CPE: variants seen among roughly 807,000 people sequenced by gnomAD.
CPE encodes the protein carboxypeptidase E, also known as carbocypeptidase E.
A neutral mutation model predicts 53.5 loss-of-function variants in CPE; 17 were observed. That is an observed-to-expected ratio of 0.32 (90% CI 0.22 to 0.48). The LOEUF (loss-of-function observed/expected upper bound fraction) is 0.48, where lower values mean the gene tolerates loss of function less well. Ranked by LOEUF, CPE falls within the 20% of genes least tolerant of loss-of-function variation. The pLI, the probability that CPE is intolerant of heterozygous loss-of-function variation, is 0.99. For synonymous variants in CPE, 226 were observed against 228.8 expected, an observed-to-expected ratio of 0.99 and a Z score of 0.11; for missense variants, 524 against 614.7, an observed-to-expected ratio of 0.85 and a Z score of 1.56.
intron 1 of CPE, among the ~76,000 whole-genome samples, chr4:165,432,419 C>T (rs762815158): frequency 8.5e-5 from 13 of 152,118 alleles, no homozygotes; most frequent in Non-Finnish European, 1.8e-4. Context: ...CCTCAGCCTC[C>T]CCATTAGCTG....
intron 3 of CPE, among the ~76,000 whole-genome samples, chr4:165,478,143 C>T (rs1000257704): frequency 6.6e-6 from 1 of 152,102 alleles, no homozygotes; most frequent in Admixed American, 6.5e-5. Flanking sequence ...ATTTAAGAAC[C>T]AAAGACATCT....
chr4:165,430,814 A>C (rs9999463), intron 1 of CPE, among the ~76,000 whole-genome samples: 1 of 151,956 alleles, frequency 6.6e-6, no homozygotes, highest in African/African-American at 2.4e-5. Context: ...TAAATGTTTG[A>C]ATTTAGACAC....
intron 1 of CPE, among the ~76,000 whole-genome samples, chr4:165,442,444 T>C (rs546892336): frequency 2.5e-4 from 38 of 152,268 alleles, no homozygotes; most frequent in African/African-American, 8.9e-4. Flanking sequence ...CTCAAACTTA[T>C]CTTCTTGAGA....
chr4:165,480,894 G>A (rs1248525319), intron 3 of CPE, among the ~76,000 whole-genome samples: 3 of 151,310 alleles, frequency 2.0e-5, no homozygotes, highest in African/African-American at 7.3e-5. Context: ...CTGAAAAAGA[G>A]ATATATACAA....
chr4:165,447,691 T>C (rs931933052), intron 1 of CPE, among the ~76,000 whole-genome samples: 2 of 152,190 alleles, frequency 1.3e-5, no homozygotes, highest in Non-Finnish European at 2.9e-5. Context: ...TTTGACTCTT[T>C]TGTAATCACA....
At chr4:165,380,268 A>G (rs113694734) in intron 1 of CPE, among the ~76,000 whole-genome samples, 5 of 152,328 alleles carry the variant, frequency 3.3e-5, no homozygotes, top group African/African-American at 1.2e-4. Context: ...GGCCTTTCCA[A>G]GGAAAAAGGA....
At chr4:165,446,481 A>G (rs749257963) in intron 1 of CPE, among the ~76,000 whole-genome samples, 26 of 152,168 alleles carry the variant, frequency 1.7e-4, no homozygotes, top group Non-Finnish European at 8.8e-5. Context: ...AAGAAATACA[A>G]ATTAGAGTTT....
intron 1 of CPE, among the ~76,000 whole-genome samples, chr4:165,433,249 T>C (rs1731441740): frequency 6.6e-6 from 1 of 152,148 alleles, no homozygotes. Context: ...GTGAGGAACT[T>C]AATTTTCATA....
At chr4:165,459,757 A>G (rs1731967120) in intron 1 of CPE, among the ~76,000 whole-genome samples, 1 of 151,300 alleles carries the variant, frequency 6.6e-6, no homozygotes, top group African/African-American at 2.4e-5. Context: ...CTGTACTAAA[A>G]ATACAAAAAT....
chr4:165,482,120 C>A (rs889205979), intron 3 of CPE, 122 bp from the exon 4 acceptor site: 8 of 487,998 alleles, frequency 1.6e-5, no homozygotes, highest in Non-Finnish European at 2.8e-5. Context: ...AGGACAACAG[C>A]AAAATAGTTG....
chr4:165,468,490 A>T (rs561227463), intron 3 of CPE, among the ~76,000 whole-genome samples: 1 of 152,278 alleles, frequency 6.6e-6, no homozygotes, highest in African/African-American at 2.4e-5. Flanking sequence ...GTGGAACTTG[A>T]TATCTCAAGC....
Position 165,386,390 on chromosome 4 carries a change from G to A in CPE, c.307+6862G>A, listed in dbSNP as rs1187767671. On this transcript the variant is annotated intron_variant, in intron 1 of 8. Coordinates refer to ENST00000402744, the MANE Select transcript of CPE (RefSeq NM_001873.4). ...ATGCTTGGGACATAGTGGCCACTCA[G>A]TGAATATGTTTGAATAAATGAAATT... 5 of 410,152 alleles carry A rather than the reference G, an allele frequency of 1.2e-5. No individual in the cohort carries two copies. The East Asian group carries it at 2.7e-4, about 22-fold the overall frequency. The allele number at this position is 410,152 out of a possible 1,614,324, so 25.4% of individuals were successfully genotyped here. A position where few individuals can be genotyped will look rare whatever the true frequency, so the allele number is the denominator to read the frequency against.
intron 1 of CPE, among the ~76,000 whole-genome samples, chr4:165,407,962 T>C (rs1579247765): frequency 6.6e-6 from 1 of 152,176 alleles, no homozygotes; most frequent in East Asian, 1.9e-4. Context: ...ACAACAGGCA[T>C]GTGGCACTGC....
At chr4:165,391,412 C>G (rs997796984) in intron 1 of CPE, among the ~76,000 whole-genome samples, 1 of 152,080 alleles carries the variant, frequency 6.6e-6, no homozygotes, top group African/African-American at 2.4e-5. Context: ...ATTCATGGAA[C>G]ATATTTCATT....
intron 6 of CPE, among the ~76,000 whole-genome samples, chr4:165,489,551 C>T (rs1181448162): frequency 6.6e-6 from 1 of 152,084 alleles, no homozygotes; most frequent in African/African-American, 2.4e-5. Flanking sequence ...GGGACCTAAC[C>T]GAGTCACGGG....
chr4:165,462,079 A>G (rs1392056193), intron 1 of CPE, among the ~76,000 whole-genome samples: 1 of 152,128 alleles, frequency 6.6e-6, no homozygotes, highest in Admixed American at 6.5e-5. Flanking sequence ...ATATTGGGGG[A>G]GATTTTTCCT....
In CPE at chr4:165,498,343, A is replaced by G. The variant is rs1022670546; in HGVS notation, c.*733A>G. The stretch of plus-strand genomic sequence containing the variant: ...CCCAGTGCATGTATTTCAGTTCTCT[A>G]AGATTTTTGGTCTGGCATTGTGGTC... On this transcript the variant is annotated 3_prime_UTR_variant, in exon 9 of 9. Coordinates refer to ENST00000402744, the MANE Select transcript of CPE (RefSeq NM_001873.4). 5.9e-5 allele frequency: 9 copies of G among 152,152 alleles called. No homozygotes were observed. Among genetic ancestry groups the G allele is most frequent in the African/African-American group, 2.2e-4 (9 of 41,426 alleles). 9.4% of individuals were successfully genotyped at this position (152,152 alleles called of 1,614,324 possible).
At chr4:165,430,425 T>C (rs751202918) in intron 1 of CPE, among the ~76,000 whole-genome samples, 1 of 152,198 alleles carries the variant, frequency 6.6e-6, no homozygotes, top group Non-Finnish European at 1.5e-5. Context: ...ATGATGTTTA[T>C]ACATATATTC....
chr4:165,413,772 T>C (rs1731079883), intron 1 of CPE, among the ~76,000 whole-genome samples: 1 of 152,204 alleles, frequency 6.6e-6, no homozygotes, highest in Non-Finnish European at 1.5e-5. Flanking sequence ...AGATGTCATG[T>C]AAGCCTTTTC....
Sources: gnomAD v4.1 joint callset for allele counts (sites outside exome capture counted in the v4.1 genomes callset) on GRCh38, gnomAD v4.1.1 for gene constraint, MANE v1.5 for transcripts, NCBI Gene and HGNC (gene_info 2026-07-23, HGNC 2026-07-21) for gene names.